DCLK2: variants seen among roughly 807,000 people sequenced by gnomAD.
DCLK2 encodes doublecortin like kinase 2.
In DCLK2, 31 loss-of-function variants were observed where a neutral mutation model predicts 78.4. The ratio of observed to expected loss-of-function variants is 0.40; its 90% CI spans 0.30 to 0.53. The LOEUF (loss-of-function observed/expected upper bound fraction) is 0.53. DCLK2 is among the 20% of genes least tolerant of loss of function. DCLK2 has a pLI of 0.61. For synonymous variants in DCLK2, 407 were observed against 374.9 expected (o/e 1.09, Z -0.99); for missense variants, 872 against 973.7 (o/e 0.90, Z 1.39).
chr4:150,119,771 A>C (rs1022508052), intron 2 of DCLK2, among the ~76,000 whole-genome samples: 3 of 152,066 alleles, frequency 2.0e-5, no homozygotes, highest in African/African-American at 7.2e-5. Flanking sequence ...AAAAGAAGAA[A>C]ATTTTTTTTA....
intron 2 of DCLK2, among the ~76,000 whole-genome samples, chr4:150,117,896 G>A (rs1375738845): frequency 1.3e-5 from 2 of 152,124 alleles, no homozygotes; most frequent in Non-Finnish European, 2.9e-5. Flanking sequence ...TTTTCACGTG[G>A]TAGAGGCATG....
At chr4:150,160,004 T>TA (rs1360562355) in intron 2 of DCLK2, among the ~76,000 whole-genome samples, 6 of 151,004 alleles carry the variant, frequency 4.0e-5, no homozygotes, top group African/African-American at 9.8e-5. Flanking sequence ...TTTTTTTTTT[T>TA]AATTTTTATT....
intron 3 of DCLK2, among the ~76,000 whole-genome samples, chr4:150,195,868 A>T (rs1738993398): frequency 6.6e-6 from 1 of 152,084 alleles, no homozygotes; most frequent in African/African-American, 2.4e-5. Context: ...CTGAGGATCA[A>T]ATGCATTATA....
chr4:150,216,650 T>G (rs1049398486), intron 5 of DCLK2, among the ~76,000 whole-genome samples: 6 of 151,736 alleles, frequency 4.0e-5, no homozygotes, highest in Admixed American at 1.3e-4. Context: ...AAAAAAAAAG[T>G]TATTAGCAGA....
chr4:150,168,477 C>T (rs1451188892), intron 2 of DCLK2, among the ~76,000 whole-genome samples: 2 of 152,146 alleles, frequency 1.3e-5, no homozygotes, highest in African/African-American at 4.8e-5. Context: ...AACTTTCACT[C>T]CTGCTCCAAA....
intron 2 of DCLK2, among the ~76,000 whole-genome samples, chr4:150,140,559 G>A (rs751352844): frequency 2.0e-5 from 3 of 152,170 alleles, no homozygotes; most frequent in Non-Finnish European, 2.9e-5. Context: ...AAGCCTTTGC[G>A]GTATCCATGA....
chr4:150,159,028 C>A (rs1268801344), intron 2 of DCLK2, among the ~76,000 whole-genome samples: 1 of 152,100 alleles, frequency 6.6e-6, no homozygotes, highest in Admixed American at 6.5e-5. Context: ...GAGCCAGTTT[C>A]TGAAGGATGT....
At chr4:150,248,415 C>T (rs1233706609) in intron 14 of DCLK2, 30 bp downstream of exon 14, 2 of 1,577,038 alleles carry the variant, frequency 1.3e-6, no homozygotes, top group African/African-American at 2.7e-5. Flanking sequence ...GGGAATGGGC[C>T]TCACTGTGCT....
chr4:150,106,396 A>T (rs1457188285), intron 2 of DCLK2, among the ~76,000 whole-genome samples: 1 of 152,192 alleles, frequency 6.6e-6, no homozygotes, highest in Non-Finnish European at 1.5e-5. Flanking sequence ...AAGCAATTCT[A>T]CATGTATGTA....
chr4:150,183,195 T>G (rs1037054374), intron 2 of DCLK2, among the ~76,000 whole-genome samples: 3 of 152,218 alleles, frequency 2.0e-5, no homozygotes, highest in Non-Finnish European at 2.9e-5. Context: ...TGAGATCCAG[T>G]GATGTTCCTT....
At chr4:150,229,250 C>A (rs1250996442) in intron 8 of DCLK2, among the ~76,000 whole-genome samples, 1 of 152,086 alleles carries the variant, frequency 6.6e-6, no homozygotes, top group African/African-American at 2.4e-5. Flanking sequence ...ATTGCTTGAG[C>A]CTGGGAGGTT....
Position 150,232,324 on chromosome 4 carries a change from G to A in DCLK2, c.1300-13G>A, listed in dbSNP as rs781091101. 35 of 1,613,096 alleles carry A rather than the reference G, an allele frequency of 2.2e-5. No homozygotes were observed. Among genetic ancestry groups the A allele is most frequent in the Admixed American group, 8.3e-5 (5 of 59,914 alleles). On this transcript the variant is annotated splice_polypyrimidine_tract_variant and intron_variant, in intron 8 of 15. Transcript: ENST00000296550. ...TGATTTCTGATCTCCTCTCTATACC[G>A]TTCATTTGACAGGAACACCTGATTG...
At chr4:150,146,109 C>T (rs531849525) in intron 2 of DCLK2, among the ~76,000 whole-genome samples, 1 of 152,268 alleles carries the variant, frequency 6.6e-6, no homozygotes, top group East Asian at 1.9e-4. Flanking sequence ...ATTAAGGGCC[C>T]TTGACTCATT....
In DCLK2 at chr4:150,249,600, T is replaced by C; in HGVS notation, c.1989T>C (p.Ala663=). The change falls in exon 15 of 16, where the codon GCT becomes GCC. Residue 663 remains alanine (A), a synonymous_variant. Coordinates refer to ENST00000296550, the MANE Select transcript of DCLK2 (RefSeq NM_001040260.4). ...DDASQENNMQ[A]EVTGKLKQHF... ...CCTCCCAGGAGAATAACATGCAAGC[T>C]GAGGTGACAGGTAAACTAAAACAGC... 6.2e-7 allele frequency: 1 copy of C among 1,613,768 alleles called. No homozygotes were observed.
intron 3 of DCLK2, among the ~76,000 whole-genome samples, chr4:150,193,772 G>A (rs1738654174): frequency 6.6e-6 from 1 of 151,892 alleles, no homozygotes; most frequent in South Asian, 2.1e-4. Context: ...AATTGAGACA[G>A]TGTCTCCTTT....
intron 1 of DCLK2, among the ~76,000 whole-genome samples, chr4:150,102,202 A>G (rs925588209): frequency 1.3e-5 from 2 of 152,214 alleles, no homozygotes; most frequent in Non-Finnish European, 2.9e-5. Flanking sequence ...GAGGACCAAA[A>G]TGTGGAGAAA....
intron 1 of DCLK2, among the ~76,000 whole-genome samples, chr4:150,093,519 T>G (rs930304926): frequency 1.3e-5 from 2 of 152,212 alleles, no homozygotes; most frequent in African/African-American, 4.8e-5. Context: ...GTAGCTGGAA[T>G]TACAGGCTTG....
intron 1 of DCLK2, among the ~76,000 whole-genome samples, chr4:150,094,671 A>G (rs1730334764): frequency 6.6e-6 from 1 of 152,240 alleles, no homozygotes; most frequent in South Asian, 2.1e-4. Context: ...GCCTGGATGC[A>G]ATGCAAATGC....
intron 7 of DCLK2, 64 bp downstream of exon 7, chr4:150,221,849 C>A: frequency 1.9e-6 from 2 of 1,039,440 alleles, no homozygotes; most frequent in Non-Finnish European, 2.8e-6. Context: ...ACTGTATCAT[C>A]TACAGATACA....
Sources: allele counts gnomAD v4.1 joint callset (sites outside exome capture counted in the v4.1 genomes callset), GRCh38; gene constraint gnomAD v4.1.1; transcripts MANE v1.5; gene names NCBI Gene and HGNC (gene_info 2026-07-23, HGNC 2026-07-21).